The following SGCZ variants were observed in gnomAD, a reference collection of about 807,000 sequenced individuals.
SGCZ encodes sarcoglycan zeta, also known as zeta-sarcoglycan.
In SGCZ, 40 loss-of-function variants were observed where a neutral mutation model predicts 41.3. The ratio of observed to expected loss-of-function variants is 0.97; its 90% confidence interval spans 0.75 to 1.26. The LOEUF (loss-of-function observed/expected upper bound fraction) is 1.26. SGCZ is among the 50% of genes most tolerant of loss of function. The pLI, the probability that SGCZ is intolerant of heterozygous loss-of-function variation, is 0.00. For synonymous variants in SGCZ, 206 were observed against 137.5 expected (o/e 1.50, Z -3.49); for missense variants, 552 against 369.8 (o/e 1.49, Z -4.04).
At chr8:14,820,080 T>C (rs1296264688) in intron 1 of SGCZ, among the ~76,000 whole-genome samples, 2 of 151,470 alleles carry the variant, frequency 1.3e-5, no homozygotes, top group African/African-American at 4.9e-5. Context: ...ATAGAGTGGC[T>C]AAATGGAGAA....
intron 1 of SGCZ, among the ~76,000 whole-genome samples, chr8:14,688,057 TAAA>T (rs1030612452): frequency 7.9e-5 from 12 of 152,212 alleles, no homozygotes; most frequent in Non-Finnish European, 1.6e-4. Context: ...TTTTTTCTTG[TAAA>T]TTTGTTTGAG....
At chr8:14,147,779 T>A (rs570938036) in intron 5 of SGCZ, among the ~76,000 whole-genome samples, 10 of 152,242 alleles carry the variant, frequency 6.6e-5, no homozygotes, top group Non-Finnish European at 1.2e-4. Flanking sequence ...AGCATGTGGA[T>A]CATTATCAGG....
intron 1 of SGCZ, among the ~76,000 whole-genome samples, chr8:14,706,843 A>G (rs1809345766): frequency 6.6e-6 from 1 of 152,006 alleles, no homozygotes; most frequent in African/African-American, 2.4e-5. Context: ...GAACCAGCTG[A>G]CGGTTAGTTT....
chr8:14,929,284 C>A (rs1227047917), intron 1 of SGCZ, among the ~76,000 whole-genome samples: 1 of 152,288 alleles, frequency 6.6e-6, no homozygotes, highest in East Asian at 1.9e-4. Flanking sequence ...AACCACTGCG[C>A]CTGGCCAATG....
chr8:14,252,281 A>C (rs1487409180), intron 3 of SGCZ, among the ~76,000 whole-genome samples: 4 of 151,962 alleles, frequency 2.6e-5, no homozygotes, highest in Admixed American at 2.0e-4. Context: ...TAAAATATTA[A>C]TTTATGAATA....
chr8:14,353,933 A>G (rs1276523125), intron 2 of SGCZ, among the ~76,000 whole-genome samples: 7 of 152,094 alleles, frequency 4.6e-5, no homozygotes, highest in Non-Finnish European at 8.8e-5. Flanking sequence ...CTGGACTTAC[A>G]GAAATAATTT....
At chr8:14,432,081 G>A (rs1799958358) in intron 2 of SGCZ, among the ~76,000 whole-genome samples, 2 of 152,268 alleles carry the variant, frequency 1.3e-5, no homozygotes, top group South Asian at 4.1e-4. Flanking sequence ...CCCTGCTGGT[G>A]GGAATGTAAA....
At chr8:15,073,931 C>T (rs967124427) in intron 1 of SGCZ, among the ~76,000 whole-genome samples, 1 of 152,194 alleles carries the variant, frequency 6.6e-6, no homozygotes, top group Non-Finnish European at 1.5e-5. Flanking sequence ...CTTATCTCTG[C>T]ACATAGGCCA....
intron 1 of SGCZ, among the ~76,000 whole-genome samples, chr8:15,197,488 T>G (rs773451213): frequency 6.6e-6 from 1 of 152,210 alleles, no homozygotes; most frequent in African/African-American, 2.4e-5. Context: ...TAGGAAGCAC[T>G]GGTATCTTCG....
At chr8:14,905,996 T>TA (rs1325677275) in intron 1 of SGCZ, among the ~76,000 whole-genome samples, 4 of 152,020 alleles carry the variant, frequency 2.6e-5, no homozygotes, top group African/African-American at 4.8e-5. Context: ...AAATATTTTT[T>TA]AAAAAAATTA....
At chr8:15,085,054 C>G (rs1254930104) in intron 1 of SGCZ, among the ~76,000 whole-genome samples, 1 of 152,084 alleles carries the variant, frequency 6.6e-6, no homozygotes, top group African/African-American at 2.4e-5. Context: ...TAATTTTATC[C>G]TCAAAATAAC....
intron 2 of SGCZ, among the ~76,000 whole-genome samples, chr8:14,352,619 T>A (rs536372425): frequency 6.6e-6 from 1 of 152,110 alleles, no homozygotes; most frequent in Admixed American, 6.6e-5. Flanking sequence ...ACGTGTCCTC[T>A]GGCTTGGGTA....
At chr8:14,198,539 A>G (rs909492636) in intron 4 of SGCZ, among the ~76,000 whole-genome samples, 2 of 152,148 alleles carry the variant, frequency 1.3e-5, no homozygotes, top group African/African-American at 4.8e-5. Flanking sequence ...AAACCCCAGT[A>G]TCATGTAATA....
intron 1 of SGCZ, among the ~76,000 whole-genome samples, chr8:15,095,394 C>G (rs1277429658): frequency 6.6e-6 from 1 of 152,162 alleles, no homozygotes; most frequent in East Asian, 1.9e-4. Context: ...CCACTGCGCC[C>G]AGCCAAGAAA....
intron 1 of SGCZ, among the ~76,000 whole-genome samples, chr8:14,693,331 A>G (rs1227592449): frequency 1.3e-5 from 2 of 148,956 alleles, no homozygotes; most frequent in African/African-American, 2.5e-5. Flanking sequence ...TTGCTCTGTC[A>G]CCCAGACTGG....
intron 2 of SGCZ, among the ~76,000 whole-genome samples, chr8:14,548,269 C>A (rs766474753): frequency 6.6e-6 from 1 of 152,072 alleles, no homozygotes; most frequent in Non-Finnish European, 1.5e-5. Context: ...TGAACCACTG[C>A]TGAAAGGTTA....
chr8:14,668,148 G>A (rs1028899003), intron 1 of SGCZ, among the ~76,000 whole-genome samples: 6 of 152,064 alleles, frequency 3.9e-5, no homozygotes, highest in South Asian at 2.1e-4. Flanking sequence ...TAGTAGAGAC[G>A]GGGGATTCAC....
intron 1 of SGCZ, among the ~76,000 whole-genome samples, chr8:15,114,831 A>C (rs2116936906): frequency 6.6e-6 from 1 of 152,052 alleles, no homozygotes; most frequent in Non-Finnish European, 1.5e-5. Flanking sequence ...CCCAGACAAA[A>C]ATGTCAGAGT....
chr8:14,282,967 A>G (rs1800499614), intron 3 of SGCZ, among the ~76,000 whole-genome samples: 1 of 143,142 alleles, frequency 7.0e-6, no homozygotes, highest in African/African-American at 2.6e-5. Flanking sequence ...CTCCTGCCTC[A>G]GCCTCCCGAG....
Sources: gnomAD v4.1 joint callset for allele counts (sites outside exome capture counted in the v4.1 genomes callset) on GRCh38, gnomAD v4.1.1 for gene constraint, MANE v1.5 for transcripts, NCBI Gene and HGNC (gene_info 2026-07-23, HGNC 2026-07-21) for gene names.